The following PRKCE variants were observed in gnomAD, a reference collection of about 807,000 sequenced individuals.
PRKCE encodes protein kinase C epsilon type.
In PRKCE, 16 loss-of-function variants were observed where a neutral mutation model predicts 85.4. The observed-to-expected ratio is 0.19, with a 90% CI of 0.13 to 0.28. The LOEUF (loss-of-function observed/expected upper bound fraction) is 0.28, where lower values mean the gene tolerates loss of function less well. Among genes scored for constraint, PRKCE ranks in the 10% least tolerant of loss-of-function variants. The pLI, the probability that PRKCE is intolerant of heterozygous loss-of-function variation, is 1.00. For missense variants in PRKCE, 573 were observed against 975.2 expected (o/e 0.59, Z 5.49); for synonymous variants, 388 against 371.5 (o/e 1.04, Z -0.51).
At chr2:46,123,156 A>AAAG (rs1274622481) in intron 11 of PRKCE, among the ~76,000 whole-genome samples, 1 of 149,338 alleles carries the variant, frequency 6.7e-6, no homozygotes, top group East Asian at 1.9e-4. Flanking sequence ...AGCAAAAAAA[A>AAAG]AAAAAAAAAA....
At chr2:45,846,315 C>G (rs1479766938) in intron 2 of PRKCE, among the ~76,000 whole-genome samples, 1 of 152,112 alleles carries the variant, frequency 6.6e-6, no homozygotes, top group African/African-American at 2.4e-5. Flanking sequence ...TGGCAATGCC[C>G]CATGATTCAC....
chr2:46,066,722 A>G (rs1421999711), intron 10 of PRKCE, among the ~76,000 whole-genome samples: 1 of 152,194 alleles, frequency 6.6e-6, no homozygotes, highest in African/African-American at 2.4e-5. Flanking sequence ...GGTTATAAGT[A>G]CGTGGGAACT....
rs72874315 is a variant in PRKCE, at chr2:45,907,662, C to A, written c.412+64599C>A. Among the ~76,000 whole-genome samples, 51 of 152,254 alleles carry A rather than the reference C, an allele frequency of 3.3e-4. No homozygotes were observed. Among genetic ancestry groups the A allele is most frequent in the Non-Finnish European group, 5.7e-4 (39 of 68,032 alleles). Reference sequence around the variant, plus strand: ...GACTGTTCTGTCCAGGGAGAAGGAGCATGAGCCCACATCTGCCGTGGCCAC... The same window carrying A: ...GACTGTTCTGTCCAGGGAGAAGGAGAATGAGCCCACATCTGCCGTGGCCAC... On this transcript the variant is annotated intron_variant, in intron 2 of 14. Transcript: ENST00000306156. The surrounding 1 kb of genome is among the most constrained non-coding windows in gnomAD (Gnocchi z 4.5).
At chr2:46,081,620 T>C (rs948589238) in intron 10 of PRKCE, among the ~76,000 whole-genome samples, 1 of 152,092 alleles carries the variant, frequency 6.6e-6, no homozygotes, top group Admixed American at 6.5e-5. Flanking sequence ...TGCTGAGATC[T>C]GAAGGGTGAG....
chr2:45,749,768 T>G (rs914833041), intron 1 of PRKCE, among the ~76,000 whole-genome samples: 2 of 152,338 alleles, frequency 1.3e-5, no homozygotes, highest in African/African-American at 4.8e-5. Flanking sequence ...AACATGAGTC[T>G]GCTTGGTTTC....
chr2:45,693,680 T>C (rs1171280315), intron 1 of PRKCE, among the ~76,000 whole-genome samples: 2 of 152,092 alleles, frequency 1.3e-5, no homozygotes, highest in Non-Finnish European at 2.9e-5. Context: ...ACAAAGTGAC[T>C]GGGGCAGAAT....
At chr2:46,024,796 G>A (rs1706969656) in intron 10 of PRKCE, among the ~76,000 whole-genome samples, 1 of 151,764 alleles carries the variant, frequency 6.6e-6, no homozygotes, top group Admixed American at 6.6e-5. Context: ...TTCTTTTTCA[G>A]GTAAGAGTTT....
intron 11 of PRKCE, among the ~76,000 whole-genome samples, chr2:46,090,451 T>A (rs541288673): frequency 6.6e-6 from 1 of 152,220 alleles, no homozygotes; most frequent in Admixed American, 6.5e-5. Flanking sequence ...ACCTCTTCTG[T>A]GATTGAGAAC....
intron 10 of PRKCE, among the ~76,000 whole-genome samples, chr2:46,054,427 T>C (rs1666365788): frequency 6.6e-6 from 1 of 152,216 alleles, no homozygotes; most frequent in Non-Finnish European, 1.5e-5. Context: ...CTCTACTATT[T>C]TTTTTCTACT....
intron 10 of PRKCE, among the ~76,000 whole-genome samples, chr2:46,021,142 G>A (rs1405047745): frequency 1.3e-5 from 2 of 152,186 alleles, no homozygotes; most frequent in Non-Finnish European, 2.9e-5. Context: ...GGCATTTGCA[G>A]GAACAGACCC....
At chr2:45,712,777 C>T (rs1052367166) in intron 1 of PRKCE, among the ~76,000 whole-genome samples, 12 of 152,136 alleles carry the variant, frequency 7.9e-5, no homozygotes, top group African/African-American at 2.7e-4. Flanking sequence ...ATCTGCTTGG[C>T]TCCAGTGTTC....
chr2:45,705,456 G>T (rs75780219), intron 1 of PRKCE, among the ~76,000 whole-genome samples: 2,515 of 152,326 alleles, frequency 0.017, 71 homozygotes, highest in African/African-American at 0.057. Flanking sequence ...CTCCAGAGGA[G>T]GCGGGGTGTA....
intron 11 of PRKCE, among the ~76,000 whole-genome samples, chr2:46,101,447 T>C (rs1190834554): frequency 6.6e-6 from 1 of 151,096 alleles, no homozygotes; most frequent in African/African-American, 2.4e-5. Flanking sequence ...GCCCAAGGAG[T>C]GGGAATAGCA....
chr2:46,002,959 A>C (rs993909147), intron 7 of PRKCE, among the ~76,000 whole-genome samples: 2 of 152,218 alleles, frequency 1.3e-5, no homozygotes, highest in Admixed American at 1.3e-4. Flanking sequence ...CGCTATATTT[A>C]CATGGGTTGT....
intron 2 of PRKCE, among the ~76,000 whole-genome samples, chr2:45,915,235 AT>A (rs1017983784): frequency 1.8e-4 from 28 of 152,230 alleles, no homozygotes; most frequent in Non-Finnish European, 3.5e-4. Context: ...CCACCTGATG[AT>A]TTTTTGCAAA....
chr2:46,086,409 G>A (rs1022301261), intron 11 of PRKCE, 47 bp downstream of exon 11: 3 of 1,581,326 alleles, frequency 1.9e-6, no homozygotes, highest in Non-Finnish European at 1.7e-6. Flanking sequence ...GAAAATAAAG[G>A]ATGCTTCAGA....
intron 9 of PRKCE, 74 bp downstream of exon 9, chr2:46,007,735 A>C (rs1574206736): frequency 6.8e-7 from 1 of 1,471,728 alleles, no homozygotes; most frequent in African/African-American, 1.4e-5. Context: ...TTGATCTAAG[A>C]TTGAGAGAGG....
At position 46,050,331 on chromosome 2, in the gene PRKCE, G is replaced by T. The variant is rs879860137; in HGVS notation, c.1438-35877G>T. On this transcript the variant is annotated intron_variant, in intron 10 of 14. Transcript: ENST00000306156. ...ATCCCTGAGCCGTGAGAAGCTGTCA[G>T]GGTTTATTTGCCGAGCCGTCCCTGC... is the stretch of plus-strand genomic sequence containing the variant. Among the ~76,000 whole-genome samples, 4 of 152,252 alleles carry T rather than the reference G, an allele frequency of 2.6e-5. No homozygotes were observed. In the East Asian group the frequency reaches 7.7e-4, roughly 29 times the overall value.
At chr2:45,766,512 G>C (rs544037995) in intron 1 of PRKCE, among the ~76,000 whole-genome samples, 2 of 152,280 alleles carry the variant, frequency 1.3e-5, no homozygotes, top group South Asian at 4.1e-4. Flanking sequence ...TGGGGACACG[G>C]AGACAGAGAG....
Sources: allele counts gnomAD v4.1 joint callset (sites outside exome capture counted in the v4.1 genomes callset), GRCh38; gene constraint gnomAD v4.1.1; non-coding constraint Gnocchi (gnomAD v3.1); transcripts MANE v1.5; gene names NCBI Gene and HGNC (gene_info 2026-07-23, HGNC 2026-07-21).